KIF1B: variants seen among roughly 807,000 people sequenced by gnomAD.
The protein encoded by KIF1B is kinesin family member 1B, also known as kinesin-like protein KIF1B.
Under a neutral mutation model 241.9 loss-of-function variants are expected in KIF1B, and 76 were observed. The observed-to-expected ratio is 0.31, with a 90% confidence interval of 0.26 to 0.38. The LOEUF (loss-of-function observed/expected upper bound fraction) is 0.38, where lower values mean the gene tolerates loss of function less well. Ranked by LOEUF, KIF1B falls within the 10% of genes least tolerant of loss-of-function variation. KIF1B has a pLI of 1.00. For synonymous variants in KIF1B, 750 were observed against 796.7 expected (o/e 0.94, Z 0.99); for missense variants, 1,622 against 2,271.4 (o/e 0.71, Z 5.81).
intron 38 of KIF1B, among the ~76,000 whole-genome samples, chr1:10,358,574 T>A (rs931887034): frequency 6.6e-6 from 1 of 151,418 alleles, no homozygotes; most frequent in Non-Finnish European, 1.5e-5. Flanking sequence ...AGAGCAGACC[T>A]CTGGAGGCTG....
At position 10,220,371 on chromosome 1, in the gene KIF1B, A is replaced by AATAGATAG. The variant is rs1553160021; in HGVS notation, c.-80+9512_-80+9519dup. Among the ~76,000 whole-genome samples, 265 of 143,668 alleles carry AATAGATAG rather than the reference A, an allele frequency of 1.8e-3. 3 individuals carry two copies. The highest frequency in any genetic ancestry group is 4.2e-3 in the African/African-American group (162 of 38,456). The allele number at this position is 143,668 out of a possible 152,430, so 94.3% of individuals were successfully genotyped here. ...GGGCAACAGAGTGAGACCCTGTTTC[A>AATAGATAG]ATAGATAGATAGATAGATAGATAGA... On this transcript the variant is annotated intron_variant, in intron 1 of 48. Coordinates refer to ENST00000676179, the MANE Select transcript of KIF1B (RefSeq NM_001365951.3).
chr1:10,268,152 G>A lies in KIF1B; in HGVS notation c.609G>A (p.Arg203=), dbSNP rs1204360899. The A allele has an allele frequency of 1.2e-6, 2 of 1,609,524 alleles. No individual in the cohort carries two copies. Among genetic ancestry groups the A allele is most frequent in the South Asian group, 1.1e-5 (1 of 90,856 alleles). ...ADLMDAGNKA[R]TVAATNMNET... ...CGTGGTCACCTTTATGTTTATTTAG[G>A]ACAGTGGCAGCTACAAACATGAATG... is the stretch of plus-strand genomic sequence containing the variant. The change falls in exon 7 of 49, where the codon AGG becomes AGA. Residue 203 remains arginine, a splice_region_variant and synonymous_variant. Transcript: ENST00000676179.
intron 10 of KIF1B, among the ~76,000 whole-genome samples, chr1:10,275,194 C>T (rs72865956): frequency 6.6e-6 from 1 of 152,136 alleles, no homozygotes; most frequent in African/African-American, 2.4e-5. Context: ...TTATACTGCT[C>T]TCTCAACTGT....
At chr1:10,232,908 T>C (rs1647000703) in intron 2 of KIF1B, among the ~76,000 whole-genome samples, 1 of 152,228 alleles carries the variant, frequency 6.6e-6, no homozygotes, top group Non-Finnish European at 1.5e-5. Context: ...AAGTTATCAG[T>C]AATTGCTTCA....
chr1:10,271,140 G>A (rs764263791), intron 7 of KIF1B, among the ~76,000 whole-genome samples: 1 of 150,216 alleles, frequency 6.7e-6, no homozygotes, highest in Non-Finnish European at 1.5e-5. Flanking sequence ...TTTTTGAACC[G>A]TGATAATTGC....
Position 10,343,292 on chromosome 1 carries a change from G to GCA in KIF1B, c.3688+7_3688+8dup, listed in dbSNP as rs1652467199. On this transcript the variant is annotated splice_donor_region_variant and intron_variant, in intron 34 of 48. Coordinates refer to ENST00000676179, the MANE Select transcript of KIF1B (RefSeq NM_001365951.3). ...CCATGCCACTGTCCAAGCCAGGTGA[G>GCA]CACTCGCTCCGCTTTTTGCATGATG... 5.0e-6 allele frequency: 8 copies of GCA among 1,614,014 alleles called. No individual in the cohort carries two copies. Among genetic ancestry groups the GCA allele is most frequent in the Non-Finnish European group, 6.8e-6 (8 of 1,179,896 alleles).
intron 25 of KIF1B, among the ~76,000 whole-genome samples, chr1:10,324,414 C>G (rs1450656791): frequency 1.3e-5 from 2 of 152,182 alleles, no homozygotes; most frequent in African/African-American, 2.4e-5. Flanking sequence ...AAGTTATAAT[C>G]TGGCTTCTTT....
Position 10,281,862 on chromosome 1 carries a change from C to A in KIF1B, c.1223-460C>A, listed in dbSNP as rs540239629. On this transcript the variant is annotated intron_variant, in intron 14 of 48. Coordinates refer to ENST00000676179, the MANE Select transcript of KIF1B (RefSeq NM_001365951.3). ...TTGCTGAATTACACGTAACACTGAG[C>A]CAGACCAATATGGATTATTATTGAT... Among the ~76,000 whole-genome samples the A allele has an allele frequency of 5.9e-5, 9 of 152,332 alleles. No homozygotes were observed. The South Asian group carries it at 1.7e-3, about 28-fold the overall frequency.
chr1:10,227,231 C>T (rs1015495811), intron 1 of KIF1B, among the ~76,000 whole-genome samples: 1 of 151,306 alleles, frequency 6.6e-6, no homozygotes, highest in Non-Finnish European at 1.5e-5. Context: ...GATGGGGTTT[C>T]ACCATGTTGA....
intron 21 of KIF1B, 26 bp from the exon 22 acceptor site, chr1:10,297,148 A>ATTT (rs58344165): frequency 3.5e-4 from 537 of 1,534,954 alleles, no homozygotes; most frequent in Middle Eastern, 1.1e-3. Context: ...GCATTCTTGA[A>ATTT]TTTTTTTTTT....
Position 10,272,311 on chromosome 1 carries a change from G to GT in KIF1B, c.864+9dup. The GT allele has an allele frequency of 6.4e-7, 1 of 1,573,748 alleles. No individual in the cohort carries two copies. Among genetic ancestry groups the GT allele is most frequent in the Non-Finnish European group, 8.7e-7 (1 of 1,143,360 alleles). On this transcript the variant is annotated splice_donor_region_variant and intron_variant, in intron 9 of 48. Coordinates refer to ENST00000676179, the MANE Select transcript of KIF1B (RefSeq NM_001365951.3). ...ATTTCAGCCTTGGCCGAGGTGGTAA[G>GT]TTTTATACTTCATTATAAGGGGAGT...
At chr1:10,376,449 A>G in intron 48 of KIF1B, 96 bp from the exon 49 acceptor site, 1 of 1,239,296 alleles carries the variant, frequency 8.1e-7, no homozygotes, top group Non-Finnish European at 1.2e-6. Flanking sequence ...CCAAATAGGA[A>G]GATGCTCCAG....
At chr1:10,249,004 A>G (rs1289154551) in intron 2 of KIF1B, among the ~76,000 whole-genome samples, 2 of 152,226 alleles carry the variant, frequency 1.3e-5, no homozygotes, top group Non-Finnish European at 2.9e-5. Context: ...AGTCTATAAT[A>G]CTTTTAAAAG....
intron 4 of KIF1B, among the ~76,000 whole-genome samples, chr1:10,259,046 T>C (rs1318262062): frequency 6.6e-6 from 1 of 152,160 alleles, no homozygotes. Flanking sequence ...CTCTGAAGAA[T>C]GTGATTATTT....
chr1:10,215,155 T>C (rs1371327167), intron 1 of KIF1B, among the ~76,000 whole-genome samples: 1 of 66,330 alleles, frequency 1.5e-5, no homozygotes, highest in Non-Finnish European at 2.7e-5. Flanking sequence ...TATATATATA[T>C]ATATATATAT....
rs780102239 is a variant in KIF1B at position 10,321,928 on chromosome 1, C to A, written c.2358+71C>A. 74 of 1,561,878 alleles carry A rather than the reference C, an allele frequency of 4.7e-5. 1 individual carries two copies. Among genetic ancestry groups the A allele is most frequent in the Non-Finnish European group, 6.4e-5 (73 of 1,135,726 alleles). On this transcript the variant is annotated intron_variant, in intron 24 of 48. Coordinates refer to ENST00000676179, the MANE Select transcript of KIF1B (RefSeq NM_001365951.3). Reference sequence around the variant, plus strand: ...TGCTGTGGGTGCATCTGGGTTCTCACCTTGAATTAACCTTTCCTTTGGGGG... The same window carrying A: ...TGCTGTGGGTGCATCTGGGTTCTCAACTTGAATTAACCTTTCCTTTGGGGG...
chr1:10,362,278 G>C (rs1638443492), intron 40 of KIF1B, among the ~76,000 whole-genome samples: 1 of 151,984 alleles, frequency 6.6e-6, no homozygotes, highest in Non-Finnish European at 1.5e-5. Flanking sequence ...CTAGGAGTTT[G>C]AGACCAGCCT....
chr1:10,227,347 T>G (rs1646923595), intron 1 of KIF1B, among the ~76,000 whole-genome samples: 1 of 152,176 alleles, frequency 6.6e-6, no homozygotes, highest in African/African-American at 2.4e-5. Context: ...AGCCCAGGGT[T>G]ATAAAACCCT....
At position 10,235,302 on chromosome 1, in the gene KIF1B, G is replaced by T. The variant is rs182767279; in HGVS notation, c.106+2868G>T. ...GATCTCACTCTTGTTACCCAGGCTG[G>T]AGTACAGTGGCACCATCTCAGCTCA... On this transcript the variant is annotated intron_variant, in intron 2 of 48. Transcript: ENST00000676179. Among the ~76,000 whole-genome samples the T allele has an allele frequency of 5.8e-3, 885 of 152,222 alleles. 2 individuals are homozygous for T. The highest frequency in any genetic ancestry group is 8.1e-3 in the Non-Finnish European group (548 of 67,996).
Sources: allele counts gnomAD v4.1 joint callset (sites outside exome capture counted in the v4.1 genomes callset), GRCh38; gene constraint gnomAD v4.1.1; transcripts MANE v1.5; gene names NCBI Gene and HGNC (gene_info 2026-07-23, HGNC 2026-07-21).